Variants in CACNA2D3 observed in about 807,000 individuals in gnomAD.
CACNA2D3 encodes voltage-dependent calcium channel subunit alpha-2/delta-3.
A neutral mutation model predicts 160.6 loss-of-function variants in CACNA2D3; 60 were observed. The ratio of observed to expected loss-of-function variants is 0.37; its 90% CI spans 0.30 to 0.46. The LOEUF (loss-of-function observed/expected upper bound fraction) is 0.46. Among genes scored for constraint, CACNA2D3 ranks in the 20% least tolerant of loss-of-function variants. CACNA2D3 has a pLI of 1.00. For synonymous variants in CACNA2D3, 558 were observed against 492.9 expected, an observed-to-expected ratio of 1.13 and a Z score of -1.75; for missense variants, 1,205 against 1,365.0, an observed-to-expected ratio of 0.88 and a Z score of 1.85.
intron 35 of CACNA2D3, among the ~76,000 whole-genome samples, chr3:55,068,185 G>A (rs1704713422): frequency 6.6e-6 from 1 of 152,214 alleles, no homozygotes; most frequent in African/African-American, 2.4e-5. Context: ...AGGTGCAAGG[G>A]CAAGTGTGTA....
chr3:54,138,759 C>T (rs757998278), intron 2 of CACNA2D3, among the ~76,000 whole-genome samples: 3 of 152,256 alleles, frequency 2.0e-5, no homozygotes, highest in Middle Eastern at 3.4e-3. Flanking sequence ...CCCAAGATCA[C>T]GAAGCTAGTG....
intron 2 of CACNA2D3, among the ~76,000 whole-genome samples, chr3:54,183,742 G>A (rs1043434613): frequency 3.3e-5 from 5 of 151,544 alleles, no homozygotes; most frequent in African/African-American, 1.2e-4. Context: ...AAAATTAGCC[G>A]GACATGGTGG....
intron 27 of CACNA2D3, chr3:54,918,462 G>T (rs759472048): frequency 6.2e-7 from 1 of 1,611,182 alleles, no homozygotes; most frequent in Non-Finnish European, 8.5e-7. Flanking sequence ...AAAGCTCTCA[G>T]GCTGGTGAGC....
At chr3:54,175,121 C>T (rs891806387) in intron 2 of CACNA2D3, among the ~76,000 whole-genome samples, 2 of 152,166 alleles carry the variant, frequency 1.3e-5, no homozygotes, top group African/African-American at 2.4e-5. Flanking sequence ...TTAAGTTTTT[C>T]TTGCCATTTC....
chr3:54,788,474 C>T (rs1702683211), intron 13 of CACNA2D3, among the ~76,000 whole-genome samples: 1 of 152,148 alleles, frequency 6.6e-6, no homozygotes. Flanking sequence ...AGTATCCATT[C>T]AAGGAGCCAG....
intron 2 of CACNA2D3, among the ~76,000 whole-genome samples, chr3:54,295,777 C>G (rs1245594290): frequency 6.6e-6 from 1 of 152,170 alleles, no homozygotes; most frequent in Non-Finnish European, 1.5e-5. Flanking sequence ...AAAGAATTTC[C>G]TTGTGATAAA....
intron 2 of CACNA2D3, among the ~76,000 whole-genome samples, chr3:54,184,701 G>C (rs1016594561): frequency 6.6e-6 from 1 of 152,194 alleles, no homozygotes; most frequent in African/African-American, 2.4e-5. Flanking sequence ...GGGACATGAG[G>C]TTCTTCAGTT....
At chr3:54,839,517 G>A (rs1028051526) in intron 16 of CACNA2D3, among the ~76,000 whole-genome samples, 3 of 152,128 alleles carry the variant, frequency 2.0e-5, no homozygotes, top group African/African-American at 2.4e-5. Context: ...GCACAGGGGC[G>A]AACACCACAT....
intron 31 of CACNA2D3, among the ~76,000 whole-genome samples, chr3:54,990,742 T>C (rs2107113921): frequency 6.6e-6 from 1 of 152,294 alleles, no homozygotes; most frequent in East Asian, 1.9e-4. Flanking sequence ...CTGACCATTC[T>C]GACCACTCAC....
intron 4 of CACNA2D3, among the ~76,000 whole-genome samples, chr3:54,413,416 A>ATATC (rs202087623): frequency 8.7e-5 from 12 of 138,318 alleles, no homozygotes; most frequent in Non-Finnish European, 1.9e-4. Flanking sequence ...ATCTATATAT[A>ATATC]TAGATATCTA....
chr3:54,565,894 TG>T (rs1430356154), intron 6 of CACNA2D3, among the ~76,000 whole-genome samples: 1 of 152,218 alleles, frequency 6.6e-6, no homozygotes, highest in Admixed American at 6.5e-5. Flanking sequence ...TTTCAACTCC[TG>T]TCTCCTCTAC....
At chr3:54,800,107 A>G (rs1702951789) in intron 13 of CACNA2D3, among the ~76,000 whole-genome samples, 1 of 152,190 alleles carries the variant, frequency 6.6e-6, no homozygotes, top group Non-Finnish European at 1.5e-5. Flanking sequence ...TGACACTGGT[A>G]GGGTGGGAGT....
chr3:54,246,583 CTT>C (rs1387379007), intron 2 of CACNA2D3, among the ~76,000 whole-genome samples: 2 of 2,314 alleles, frequency 8.6e-4, no homozygotes, highest in African/African-American at 8.0e-3. Flanking sequence ...ATCCCAGCTA[CTT>C]GGGAGGCGGC....
chr3:54,725,837 C>T (rs555363585), intron 11 of CACNA2D3, among the ~76,000 whole-genome samples: 5 of 152,254 alleles, frequency 3.3e-5, no homozygotes, highest in African/African-American at 1.2e-4. Context: ...GAAGCATTCC[C>T]TTGGACAACC....
chr3:54,317,121 G>T, intron 2 of CACNA2D3, among the ~76,000 whole-genome samples: 1 of 152,162 alleles, frequency 6.6e-6, no homozygotes, highest in East Asian at 1.9e-4. Flanking sequence ...AGCACATCTG[G>T]CAGGCAGCAA....
chr3:54,455,144 T>A (rs1700375146), intron 4 of CACNA2D3, among the ~76,000 whole-genome samples: 1 of 152,132 alleles, frequency 6.6e-6, no homozygotes, highest in African/African-American at 2.4e-5. Flanking sequence ...GATAGCTCTA[T>A]TTTGAGTTTT....
At chr3:54,744,671 A>C (rs1005865431) in intron 11 of CACNA2D3, among the ~76,000 whole-genome samples, 4 of 152,238 alleles carry the variant, frequency 2.6e-5, no homozygotes, top group Non-Finnish European at 4.4e-5. Flanking sequence ...TTCCTCTTCA[A>C]CCAAACTTCT....
chr3:54,282,526 G>A (rs1042462502), intron 2 of CACNA2D3, among the ~76,000 whole-genome samples: 8 of 152,182 alleles, frequency 5.3e-5, no homozygotes, highest in South Asian at 2.1e-4. Context: ...TTGAGGAATG[G>A]AAACTTAGAA....
At chr3:54,782,888 A>C (rs1921545) in intron 13 of CACNA2D3, among the ~76,000 whole-genome samples, 1 of 152,176 alleles carries the variant, frequency 6.6e-6, no homozygotes, top group Non-Finnish European at 1.5e-5. Context: ...TCTGAGTAGC[A>C]CAGCAAGAAT....
Sources: allele counts gnomAD v4.1 joint callset (sites outside exome capture counted in the v4.1 genomes callset), GRCh38; gene constraint gnomAD v4.1.1; transcripts MANE v1.5; gene names NCBI Gene and HGNC (gene_info 2026-07-23, HGNC 2026-07-21).